The following CDH13 variants were observed in gnomAD, a reference collection of about 807,000 sequenced individuals.
CDH13 encodes cadherin-13.
CDH13 carries 24 observed loss-of-function variants against 63.8 expected under a neutral mutation model. That is an observed-to-expected ratio of 0.38 (90% confidence interval 0.27 to 0.53). The LOEUF is 0.53. CDH13 is among the 20% of genes least tolerant of loss of function. CDH13 has a pLI of 0.85. For synonymous variants in CDH13, 503 were observed against 355.3 expected, an observed-to-expected ratio of 1.42 and a Z score of -4.67; for missense variants, 1,049 against 903.1, an observed-to-expected ratio of 1.16 and a Z score of -2.07.
chr16:83,039,228 T>C (rs1271116284), intron 3 of CDH13, among the ~76,000 whole-genome samples: 2 of 152,238 alleles, frequency 1.3e-5, no homozygotes, highest in African/African-American at 4.8e-5. Flanking sequence ...CTCTGCTTAA[T>C]AGGCTCTCAC....
rs16961652 is a variant in CDH13 at position 83,749,073 on chromosome 16, T to C, written c.1681+823T>C. Among the ~76,000 whole-genome samples the C allele has an allele frequency of 9.2e-3, 1,408 of 152,298 alleles. 18 individuals carry two copies. Among genetic ancestry groups the C allele is most frequent in the African/African-American group, 0.032 (1,322 of 41,570 alleles). On this transcript the variant is annotated intron_variant, in intron 11 of 13. Transcript: ENST00000567109. ...CTGAGATGAGGGGATTCCAGTTGGT[T>C]TGGGGACATGTTAAGCTGCAATGTG...
At position 82,770,859 on chromosome 16, in the gene CDH13, T is replaced by C. The variant is rs535158078; in HGVS notation, c.46-87503T>C. On this transcript the variant is annotated intron_variant, in intron 1 of 13. Transcript: ENST00000567109. ...AGTAGCTGGGACTAAAAGCGCACAC[T>C]GCCATGCCCGGCTAATGTTTTGTAT... Among the ~76,000 whole-genome samples, 23 of 152,164 alleles carry C rather than the reference T, an allele frequency of 1.5e-4. 1 individual carries two copies. In the South Asian group the frequency reaches 4.6e-3, roughly 30 times the overall value.
chr16:83,633,877 C>T (rs1216069919), intron 8 of CDH13, among the ~76,000 whole-genome samples: 1 of 152,114 alleles, frequency 6.6e-6, no homozygotes, highest in Non-Finnish European at 1.5e-5. Context: ...TCCCAGAATG[C>T]ATCATTTCAG....
At chr16:83,060,897 C>G (rs1453478729) in intron 3 of CDH13, among the ~76,000 whole-genome samples, 8 of 152,150 alleles carry the variant, frequency 5.3e-5, no homozygotes, top group Non-Finnish European at 1.0e-4. Context: ...ACTGGTACTA[C>G]TTGATAATAG....
intron 5 of CDH13, among the ~76,000 whole-genome samples, chr16:83,228,589 A>G (rs8049642): frequency 0.046 from 6,990 of 152,320 alleles, 182 homozygotes; most frequent in African/African-American, 0.074. Flanking sequence ...ATTCTCAAGA[A>G]TGAGGAATGA....
intron 2 of CDH13, among the ~76,000 whole-genome samples, chr16:82,926,698 A>G (rs1252435266): frequency 6.6e-6 from 1 of 152,222 alleles, no homozygotes; most frequent in Non-Finnish European, 1.5e-5. Flanking sequence ...TCTGCTGTAT[A>G]TCTGTGTAAC....
At chr16:83,442,022 G>A (rs973653752) in intron 6 of CDH13, among the ~76,000 whole-genome samples, 8 of 152,112 alleles carry the variant, frequency 5.3e-5, no homozygotes, top group African/African-American at 1.7e-4. Context: ...AGCTGGGAGC[G>A]AGATGACAGA....
At chr16:83,237,606 G>A (rs11150557) in intron 5 of CDH13, among the ~76,000 whole-genome samples, 53,808 of 152,118 alleles carry the variant, frequency 0.35, 10,230 homozygotes, top group East Asian at 0.55. Flanking sequence ...TGGCCTTACT[G>A]TTGGAAAGCA....
chr16:83,223,052 T>C (rs1248619484), intron 5 of CDH13, among the ~76,000 whole-genome samples: 1 of 114,262 alleles, frequency 8.8e-6, no homozygotes, highest in Admixed American at 1.0e-4. Flanking sequence ...ATATTGCCAG[T>C]TGTCCTATAA....
intron 4 of CDH13, among the ~76,000 whole-genome samples, chr16:83,154,698 G>A (rs901235401): frequency 6.6e-6 from 1 of 152,166 alleles, no homozygotes; most frequent in African/African-American, 2.4e-5. Flanking sequence ...TACCATGCCA[G>A]GATGAAAAAA....
Position 83,447,070 on chromosome 16 carries a change from A to C in CDH13, c.782-39407A>C, listed in dbSNP as rs867763093. On this transcript the variant is annotated intron_variant, in intron 6 of 13. Coordinates refer to ENST00000567109, the MANE Select transcript of CDH13 (RefSeq NM_001257.5). ...ACCCGTCTTAAAAAAAAAAAAAAAA[A>C]AAAACAAAAAACACCTTATAGTAAC... Among the ~76,000 whole-genome samples, 258 of 137,216 alleles carry C rather than the reference A, an allele frequency of 1.9e-3. 2 individuals are homozygous for C. Among genetic ancestry groups the C allele is most frequent in the Middle Eastern group, 7.4e-3 (2 of 270 alleles). 90.0% of individuals were successfully genotyped at this position (137,216 alleles called of 152,430 possible). A position where few individuals can be genotyped will look rare whatever the true frequency, so the allele number is the denominator to read the frequency against.
rs139238367 is a variant in CDH13 at position 82,940,615 on chromosome 16, A to G, written c.157+82142A>G. Among the ~76,000 whole-genome samples the G allele has an allele frequency of 3.9e-5, 6 of 152,326 alleles. No individual in the cohort carries two copies. The East Asian group carries it at 9.7e-4, about 25-fold the overall frequency. On this transcript the variant is annotated intron_variant, in intron 2 of 13. Transcript: ENST00000567109. ...CTTCACCTTAGCTGGTTCCTGCTTCATACATCTTTCAAGATGTTTGTAGAA... is the reference window on the plus strand; with the variant it reads ...CTTCACCTTAGCTGGTTCCTGCTTCGTACATCTTTCAAGATGTTTGTAGAA...
chr16:82,843,332 G>A (rs1252532858), intron 1 of CDH13, among the ~76,000 whole-genome samples: 1 of 152,202 alleles, frequency 6.6e-6, no homozygotes, highest in Non-Finnish European at 1.5e-5. Context: ...CATTCAGTGA[G>A]CAGTTGTTCA....
chr16:83,118,188 G>A (rs778237079), intron 3 of CDH13, among the ~76,000 whole-genome samples: 1 of 152,210 alleles, frequency 6.6e-6, no homozygotes, highest in Non-Finnish European at 1.5e-5. Context: ...CACATGGTCT[G>A]GTGTTGGTGG....
chr16:82,967,531 G>T (rs8062451), intron 2 of CDH13, among the ~76,000 whole-genome samples: 1 of 151,902 alleles, frequency 6.6e-6, no homozygotes, highest in Admixed American at 6.6e-5. Flanking sequence ...TGCATTAAGT[G>T]CCCATTTCCC....
chr16:82,757,462 G>T (rs1054969249), intron 1 of CDH13, among the ~76,000 whole-genome samples: 1 of 152,136 alleles, frequency 6.6e-6, no homozygotes, highest in African/African-American at 2.4e-5. Flanking sequence ...AAAACAAATC[G>T]ATGGCTCTGA....
At chr16:83,071,142 T>C (rs2032407878) in intron 3 of CDH13, among the ~76,000 whole-genome samples, 1 of 152,030 alleles carries the variant, frequency 6.6e-6, no homozygotes, top group Non-Finnish European at 1.5e-5. Flanking sequence ...TGCAAAGGGA[T>C]CAGGAAAGTG....
At chr16:83,501,696 G>A (rs2074287560) in intron 7 of CDH13, among the ~76,000 whole-genome samples, 1 of 152,190 alleles carries the variant, frequency 6.6e-6, no homozygotes, top group Non-Finnish European at 1.5e-5. Context: ...TCACCCACTG[G>A]AGAGCCAGGG....
At position 82,646,201 on chromosome 16, in the gene CDH13, G is replaced by A. The variant is rs1226763908; in HGVS notation, c.45+19064G>A. On this transcript the variant is annotated intron_variant, in intron 1 of 13. Transcript: ENST00000567109. ...TGGTGCTTTAAACACATTATTGTTA[G>A]TATTTTGAGACGGAGTCTCGCTCTT... 2.6e-5 allele frequency: 4 copies of A among 152,350 alleles called. No homozygotes were observed. In the East Asian group the frequency reaches 7.7e-4, roughly 29 times the overall value. The allele number at this position is 152,350 out of a possible 1,614,324, so 9.4% of individuals were successfully genotyped here.
Sources: gnomAD v4.1 joint callset for allele counts (sites outside exome capture counted in the v4.1 genomes callset) on GRCh38, gnomAD v4.1.1 for gene constraint, MANE v1.5 for transcripts, NCBI Gene and HGNC (gene_info 2026-07-23, HGNC 2026-07-21) for gene names.